The following FBXO32 variants were observed in gnomAD, a reference collection of about 807,000 sequenced individuals.
FBXO32 encodes F-box only protein 32.
FBXO32 carries 15 observed loss-of-function variants against 48.3 expected under a neutral mutation model. That is an observed-to-expected ratio of 0.31 (90% CI 0.21 to 0.48). The LOEUF is 0.48. Ranked by LOEUF, FBXO32 falls within the 20% of genes least tolerant of loss-of-function variation. FBXO32 has a pLI of 0.99. For synonymous variants in FBXO32, 154 were observed against 165.9 expected (o/e 0.93, Z 0.55); for missense variants, 309 against 432.7 (o/e 0.71, Z 2.54).
In FBXO32 at chr8:123,502,881, C is replaced by T. The variant is rs2130493650; in HGVS notation, c.*492G>A. The stretch of plus-strand genomic sequence containing the variant: ...GCAGGTTTAGGATGGGTGGCGCTTC[C>T]TTCGCCTTCTCAAAACAAACACCAG... On this transcript the variant is annotated 3_prime_UTR_variant, in exon 9 of 9. Transcript: ENST00000517956. 6.5e-6 allele frequency: 1 copy of T among 153,426 alleles called. No homozygotes were observed. Among genetic ancestry groups the T allele is most frequent in the East Asian group, 1.9e-4 (1 of 5,214 alleles). The allele number at this position is 153,426 out of a possible 1,614,324, so 9.5% of individuals were successfully genotyped here. A position where few individuals can be genotyped will look rare whatever the true frequency, so the allele number is the denominator to read the frequency against.
chr8:123,531,225 G>A (rs1014027808), intron 4 of FBXO32, among the ~76,000 whole-genome samples: 4 of 152,070 alleles, frequency 2.6e-5, no homozygotes, highest in Admixed American at 1.3e-4. Flanking sequence ...CAGGTGATCC[G>A]CCCGCTTTGG....
At chr8:123,533,910 T>G (rs937831759) in intron 2 of FBXO32, among the ~76,000 whole-genome samples, 1 of 151,990 alleles carries the variant, frequency 6.6e-6, no homozygotes, top group Non-Finnish European at 1.5e-5. Context: ...CTGGGCAACA[T>G]GGCGAAACCC....
chr8:123,540,783 G>T lies in FBXO32; in HGVS notation c.116+116C>A. On this transcript the variant is annotated intron_variant, in intron 1 of 8. Coordinates refer to ENST00000517956, the MANE Select transcript of FBXO32 (RefSeq NM_058229.4). This position sits in a 1 kb window ranked among gnomAD's most constrained non-coding sequence, Gnocchi z 6.4. ...CCGTAGTCCCACCCTCCGGGTCAGG[G>T]TCTCCCTCCTCAGCCCGCTCCAGCC... is the stretch of plus-strand genomic sequence containing the variant. The T allele has an allele frequency of 1.2e-6, 1 of 829,480 alleles. No homozygotes were observed. Among genetic ancestry groups the T allele is most frequent in the Non-Finnish European group, 1.9e-6 (1 of 515,708 alleles). 51.4% of individuals were successfully genotyped at this position (829,480 alleles called of 1,614,324 possible).
chr8:123,504,253 A>G (rs1451113195), intron 8 of FBXO32, among the ~76,000 whole-genome samples: 2 of 152,156 alleles, frequency 1.3e-5, no homozygotes, highest in African/African-American at 4.8e-5. Flanking sequence ...GGACCCTGAA[A>G]CTACGTACAT....
intron 5 of FBXO32, 66 bp downstream of exon 5, chr8:123,514,174 A>T (rs1163587373): frequency 3.4e-6 from 4 of 1,189,656 alleles, no homozygotes; most frequent in Non-Finnish European, 4.8e-6. Flanking sequence ...CGTCCACTTC[A>T]TTGGAAAATC....
At chr8:123,512,182 G>A (rs908453900) in intron 6 of FBXO32, among the ~76,000 whole-genome samples, 1 of 152,126 alleles carries the variant, frequency 6.6e-6, no homozygotes, top group African/African-American at 2.4e-5. Flanking sequence ...GCGTGTAGGT[G>A]TTGTAGCCTA....
Position 123,513,441 on chromosome 8 carries a change from C to A in FBXO32, c.467-59G>T, listed in dbSNP as rs1816776906. On this transcript the variant is annotated intron_variant, in intron 5 of 8. Transcript: ENST00000517956. The surrounding 1 kb of genome is among the most constrained non-coding windows in gnomAD (Gnocchi z 4.3). ...TGATACTGGAACACCCTGTATTTTA[C>A]ACATGAGCTTGTCTCTGTCTGTATT... 2 of 1,393,658 alleles carry A rather than the reference C, an allele frequency of 1.4e-6. No homozygotes were observed. Among genetic ancestry groups the A allele is most frequent in the Admixed American group, 3.8e-5 (2 of 52,916 alleles). 86.3% of individuals were successfully genotyped at this position (1,393,658 alleles called of 1,614,324 possible).
intron 6 of FBXO32, among the ~76,000 whole-genome samples, chr8:123,509,457 T>C (rs928415140): frequency 6.6e-6 from 1 of 152,058 alleles, no homozygotes; most frequent in Non-Finnish European, 1.5e-5. Context: ...CCTGGTACTT[T>C]GGGAGGCTGA....
intron 4 of FBXO32, 40 bp downstream of exon 4, chr8:123,531,858 G>A: frequency 6.2e-7 from 1 of 1,604,548 alleles, no homozygotes; most frequent in Non-Finnish European, 8.5e-7. Context: ...ATTCAACTTG[G>A]GAAAGAGCCT....
In FBXO32 at chr8:123,532,961, C is replaced by T. The variant is rs577733872; in HGVS notation, c.279+230G>A. Among the ~76,000 whole-genome samples the T allele has an allele frequency of 1.0e-3, 159 of 152,326 alleles. 5 individuals carry two copies. In the South Asian group the frequency reaches 0.032, roughly 31 times the overall value. The stretch of plus-strand genomic sequence containing the variant: ...TGTCAATCTTTATAAAGCACTTTTA[C>T]ATACATAATCTCATTGAACGACTAG... On this transcript the variant is annotated intron_variant, in intron 3 of 8. Coordinates refer to ENST00000517956, the MANE Select transcript of FBXO32 (RefSeq NM_058229.4).
In FBXO32 at chr8:123,499,767, A is replaced by G. The variant is rs899091949; in HGVS notation, c.*3606T>C. The G allele has an allele frequency of 1.3e-5, 2 of 152,214 alleles. No homozygotes were observed. The highest frequency in any genetic ancestry group is 4.8e-5 in the African/African-American group (2 of 41,438). The allele number at this position is 152,214 out of a possible 1,614,324, so 9.4% of individuals were successfully genotyped here. A position where few individuals can be genotyped will look rare whatever the true frequency, so the allele number is the denominator to read the frequency against. On this transcript the variant is annotated 3_prime_UTR_variant, in exon 9 of 9. Transcript: ENST00000517956. ...CCAAGCTCTTTCTCTTCTCCCATAT[A>G]AAAACAACAGAAACAGGAGGCTGTT... is the stretch of plus-strand genomic sequence containing the variant.
chr8:123,526,287 G>A (rs1459867997), intron 4 of FBXO32, among the ~76,000 whole-genome samples: 4 of 151,822 alleles, frequency 2.6e-5, no homozygotes, highest in Middle Eastern at 3.4e-3. Flanking sequence ...GTGCAGTGGC[G>A]CGATCTTGGC....
chr8:123,535,497 T>A (rs1817291978), intron 1 of FBXO32, among the ~76,000 whole-genome samples: 1 of 152,214 alleles, frequency 6.6e-6, no homozygotes, highest in Admixed American at 6.5e-5. Context: ...ACCTTGGGTC[T>A]TGACTATACA....
intron 1 of FBXO32, among the ~76,000 whole-genome samples, chr8:123,535,355 A>G (rs1425061424): frequency 6.6e-6 from 1 of 152,228 alleles, no homozygotes; most frequent in Non-Finnish European, 1.5e-5. Flanking sequence ...TGTCTTTAAA[A>G]CACAATCACG....
intron 4 of FBXO32, among the ~76,000 whole-genome samples, chr8:123,518,031 A>G (rs138606037): frequency 0.012 from 1,772 of 152,314 alleles, 15 homozygotes; most frequent in Middle Eastern, 0.024. Flanking sequence ...GGCTATAGAC[A>G]ATGTGTAAAT....
At chr8:123,532,808 ATT>A (rs1434484810) in intron 3 of FBXO32, among the ~76,000 whole-genome samples, 1 of 152,226 alleles carries the variant, frequency 6.6e-6, no homozygotes, top group Non-Finnish European at 1.5e-5. Flanking sequence ...CTTCTACTAT[ATT>A]TAGTGATTAG....
chr8:123,506,502 C>A lies in FBXO32; in HGVS notation c.724G>T (p.Asp242Tyr). The A allele has an allele frequency of 6.2e-7, 1 of 1,613,920 alleles. No homozygotes were observed. Among genetic ancestry groups the A allele is most frequent in the Non-Finnish European group, 8.5e-7 (1 of 1,179,924 alleles). ...CCCAGGCTGACCAGGTCCCGCCCGT[C>A]GCTCAGCCTCTGCATGATGTTCAGT... ...LQLNIMQRLS[D>Y]GRDLVSLGQA... The change falls in exon 7 of 9, where the codon GAC (aspartate) becomes TAC (tyrosine). Residue 242 changes from aspartate to tyrosine, a missense_variant. Transcript: ENST00000517956. The surrounding 1 kb of genome is among the most constrained non-coding windows in gnomAD (Gnocchi z 4.0).
Position 123,513,415 on chromosome 8 carries a change from A to G in FBXO32, c.467-33T>C. The G allele has an allele frequency of 1.3e-6, 2 of 1,565,778 alleles. No individual in the cohort carries two copies. Among genetic ancestry groups the G allele is most frequent in the Non-Finnish European group, 1.8e-6 (2 of 1,141,490 alleles). ...AGGGAAGAAAAAAATAATTAAAGTT[A>G]TGATACTGGAACACCCTGTATTTTA... On this transcript the variant is annotated intron_variant, in intron 5 of 8. Transcript: ENST00000517956. This position sits in a 1 kb window ranked among gnomAD's most constrained non-coding sequence, Gnocchi z 4.3.
chr8:123,504,242 T>C (rs561235328), intron 8 of FBXO32, among the ~76,000 whole-genome samples: 6 of 152,260 alleles, frequency 3.9e-5, no homozygotes, highest in African/African-American at 1.4e-4. Context: ...CATTATCGCA[T>C]GGACCCTGAA....
Sources: allele counts gnomAD v4.1 joint callset (sites outside exome capture counted in the v4.1 genomes callset), GRCh38; gene constraint gnomAD v4.1.1; non-coding constraint Gnocchi (gnomAD v3.1); transcripts MANE v1.5; gene names NCBI Gene and HGNC (gene_info 2026-07-23, HGNC 2026-07-21).